Variants in FBXL2 observed in about 807,000 individuals in gnomAD.
FBXL2 encodes F-box/LRR-repeat protein 2.
Under a neutral mutation model 69.2 loss-of-function variants are expected in FBXL2, and 38 were observed. The ratio of observed to expected loss-of-function variants is 0.55; its 90% CI spans 0.42 to 0.72. The LOEUF is 0.72. FBXL2 is among the 30% of genes least tolerant of loss of function. FBXL2 has a pLI of 0.00. For synonymous variants in FBXL2, 192 were observed against 201.3 expected, an observed-to-expected ratio of 0.95 and a Z score of 0.39; for missense variants, 354 against 520.3, an observed-to-expected ratio of 0.68 and a Z score of 3.11.
intron 2 of FBXL2, among the ~76,000 whole-genome samples, chr3:33,349,724 G>A (rs1195554334): frequency 6.6e-6 from 1 of 152,106 alleles, no homozygotes; most frequent in African/African-American, 2.4e-5. Flanking sequence ...AAGCCATGAA[G>A]TCCTGAGCTT....
intron 13 of FBXL2, among the ~76,000 whole-genome samples, chr3:33,379,499 C>A (rs955937659): frequency 6.6e-6 from 1 of 151,090 alleles, no homozygotes; most frequent in Non-Finnish European, 1.5e-5. Context: ...GGATTACAGG[C>A]GTGCACCACC....
chr3:33,283,918 G>A (rs899636672), intron 1 of FBXL2, among the ~76,000 whole-genome samples: 46 of 152,150 alleles, frequency 3.0e-4, no homozygotes, highest in Admixed American at 1.0e-3. Flanking sequence ...CTTTTATTGC[G>A]TCTATTTGAT....
chr3:33,311,094 T>C (rs1316169028), intron 2 of FBXL2, among the ~76,000 whole-genome samples: 2 of 152,216 alleles, frequency 1.3e-5, no homozygotes, highest in Non-Finnish European at 2.9e-5. Context: ...ATATTTTGAC[T>C]ATGTCATCCT....
chr3:33,358,265 C>T (rs572483018), intron 2 of FBXL2, among the ~76,000 whole-genome samples: 6 of 152,334 alleles, frequency 3.9e-5, no homozygotes, highest in South Asian at 4.1e-4. Flanking sequence ...AGTGCTGAGG[C>T]GCACACGGCT....
intron 12 of FBXL2, among the ~76,000 whole-genome samples, chr3:33,394,817 G>GTTT (rs76142927): frequency 0.21 from 22,689 of 109,882 alleles, 2,373 homozygotes; most frequent in East Asian, 0.52. Context: ...CCCTCCACTT[G>GTTT]TTTTTTTTTT....
intron 12 of FBXL2, among the ~76,000 whole-genome samples, chr3:33,395,515 C>T (rs1280508853): frequency 6.6e-6 from 1 of 151,644 alleles, no homozygotes; most frequent in African/African-American, 2.4e-5. Flanking sequence ...TGTCCTAATC[C>T]AGCACTATAC....
At chr3:33,277,254 A>G (rs527689140), upstream of FBXL2, among the ~76,000 whole-genome samples, 11 of 150,536 alleles carry the variant, frequency 7.3e-5, no homozygotes, top group Non-Finnish European at 1.6e-4. Flanking sequence ...CAGGTGAGGG[A>G]CATCAAGGTG....
At chr3:33,393,189 CTCTCTGAAAATGAT>C (rs2043837801) in intron 12 of FBXL2, 1 of 1,061,464 alleles carries the variant, frequency 9.4e-7, no homozygotes, top group Non-Finnish European at 1.3e-6. Flanking sequence ...TGATTCCCAA[CTCTCTGAAAATGAT>C]TCTCATAAGT....
the FBXL2 span, among the ~76,000 whole-genome samples, chr3:33,414,583 C>T: frequency 7.9e-5 from 12 of 152,162 alleles, no homozygotes; most frequent in Non-Finnish European, 1.2e-4. Flanking sequence ...AGTCAAAGAT[C>T]CTAGGGCCAG....
chr3:33,303,282 T>G (rs535827370), intron 2 of FBXL2: 2 of 428,586 alleles, frequency 4.7e-6, no homozygotes, highest in Non-Finnish European at 9.3e-6. Context: ...GTTTTTTGAC[T>G]TGTGTGTGGC....
At chr3:33,350,635 C>T (rs920575792) in intron 2 of FBXL2, among the ~76,000 whole-genome samples, 1 of 152,006 alleles carries the variant, frequency 6.6e-6, no homozygotes, top group Non-Finnish European at 1.5e-5. Context: ...GGGGTTTCAA[C>T]ATATTGGGCA....
chr3:33,362,978 A>G (rs1205724020), intron 4 of FBXL2, among the ~76,000 whole-genome samples: 1 of 152,186 alleles, frequency 6.6e-6, no homozygotes, highest in Non-Finnish European at 1.5e-5. Flanking sequence ...GCAGTATCAA[A>G]GATTGGATTT....
downstream of FBXL2, among the ~76,000 whole-genome samples, chr3:33,405,954 T>C (rs4678958): frequency 0.49 from 75,105 of 151,942 alleles, 22,568 homozygotes; most frequent in East Asian, 0.84. Flanking sequence ...ATTATGTATC[T>C]CCTTAAAAAA....
intron 4 of FBXL2, 55 bp from the exon 5 acceptor site, chr3:33,364,570 A>G: frequency 7.2e-7 from 1 of 1,395,818 alleles, no homozygotes; most frequent in Non-Finnish European, 1.0e-6. Context: ...TTTTGCTGTT[A>G]GATAAGCAGC....
rs770667714 is a variant in FBXL2 at position 33,373,846 on chromosome 3, G to C, written c.583-1G>C. On this transcript the variant is annotated splice_acceptor_variant, in intron 8 of 14. Transcript: ENST00000484457. LOFTEE classifies it high-confidence loss of function. ...GTCTTTTGTTTTCTCTGTCCACTCA[G>C]TTAGAAGATGAAGCTCTGAAACACA... 6.2e-7 allele frequency: 1 copy of C among 1,614,164 alleles called. No homozygotes were observed. The highest frequency in any genetic ancestry group is 8.5e-7 in the Non-Finnish European group (1 of 1,180,014).
chr3:33,378,695 G>A lies in FBXL2; in HGVS notation c.905G>A (p.Ser302Asn), dbSNP rs1476921651. Reference protein sequence around the residue: ...DLEECILITDSTLIQLSIHCP... With the variant: ...DLEECILITDNTLIQLSIHCP... ...CATGTTTCTCTCCAGATAACCGACA[G>A]CACACTCATCCAGCTCTCCATTCAC... is the stretch of plus-strand genomic sequence containing the variant. Residue 302 changes from serine (S) to asparagine (N), a missense_variant, in exon 13 of 15, where the codon AGC becomes AAC. Coordinates refer to ENST00000484457, the MANE Select transcript of FBXL2 (RefSeq NM_012157.5). 3.1e-5 allele frequency: 50 copies of A among 1,613,146 alleles called. No homozygotes were observed. Among genetic ancestry groups the A allele is most frequent in the Non-Finnish European group, 4.2e-5 (50 of 1,179,736 alleles).
At chr3:33,338,381 C>T (rs2039750811) in intron 2 of FBXL2, among the ~76,000 whole-genome samples, 1 of 151,970 alleles carries the variant, frequency 6.6e-6, no homozygotes, top group Admixed American at 6.6e-5. Context: ...CACTGCACTC[C>T]AGCCTGGGTG....
At chr3:33,309,767 C>T (rs1242898454) in intron 2 of FBXL2, among the ~76,000 whole-genome samples, 2 of 152,194 alleles carry the variant, frequency 1.3e-5, no homozygotes, top group East Asian at 3.9e-4. Flanking sequence ...TACATTTTAT[C>T]TTTTGTGTAT....
rs58912118 is a variant in FBXL2, at chr3:33,360,918, C to CTTTTT, written c.195+1588_195+1592dup. Among the ~76,000 whole-genome samples the CTTTTT allele has an allele frequency of 3.8e-3, 216 of 57,128 alleles. 36 individuals are homozygous for CTTTTT. The highest frequency in any genetic ancestry group is 0.011 in the African/African-American group (193 of 17,956). 37.5% of individuals were successfully genotyped at this position (57,128 alleles called of 152,430 possible). ...ACTTTTTTGGAAAGCACATGAAGAA[C>CTTTTT]TTTTTTTTTTTTTTTTTTTTTTTTT... On this transcript the variant is annotated intron_variant, in intron 4 of 14. Transcript: ENST00000484457.
Sources: allele counts gnomAD v4.1 joint callset (sites outside exome capture counted in the v4.1 genomes callset), GRCh38; gene constraint gnomAD v4.1.1; transcripts MANE v1.5; gene names NCBI Gene and HGNC (gene_info 2026-07-23, HGNC 2026-07-21).